OSBP2: variants seen among roughly 807,000 people sequenced by gnomAD.
OSBP2 encodes the protein oxysterol binding protein 2.
A neutral mutation model predicts 96.0 loss-of-function variants in OSBP2; 66 were observed. The ratio of observed to expected loss-of-function variants is 0.69; its 90% CI spans 0.56 to 0.84. OSBP2 has a LOEUF of 0.84. Among genes scored for constraint, OSBP2 ranks in the 40% least tolerant of loss-of-function variants. The pLI, the probability that OSBP2 is intolerant of heterozygous loss-of-function variation, is 0.00. For synonymous variants in OSBP2, 525 were observed against 520.9 expected (o/e 1.01, Z -0.11); for missense variants, 1,038 against 1,222.7 (o/e 0.85, Z 2.25).
At chr22:30,739,311 T>C (rs1018551478) in intron 1 of OSBP2, among the ~76,000 whole-genome samples, 17 of 152,230 alleles carry the variant, frequency 1.1e-4, no homozygotes, top group African/African-American at 3.1e-4. Context: ...GAATGGGACA[T>C]CCTTGCTCTG....
chr22:30,751,037 G>A (rs866153699), intron 2 of OSBP2, among the ~76,000 whole-genome samples: 11 of 151,662 alleles, frequency 7.3e-5, no homozygotes, highest in African/African-American at 2.7e-4. Context: ...CACTGCACCC[G>A]GCCTCTATTG....
rs1310720602 is a variant in OSBP2, at chr22:30,890,539, G to A, written c.1624-189G>A. Among the ~76,000 whole-genome samples, 2 of 152,222 alleles carry A rather than the reference G, an allele frequency of 1.3e-5. No homozygotes were observed. Among genetic ancestry groups the A allele is most frequent in the Non-Finnish European group, 2.9e-5 (2 of 68,034 alleles). ...AGACCAGAAAGTGGGAAGGGCTGTG[G>A]AGAAAACAGCCAGGAGGGGCCAGGG... On this transcript the variant is annotated intron_variant, in intron 7 of 13. Transcript: ENST00000332585. The surrounding 1 kb of genome is among the most constrained non-coding windows in gnomAD (Gnocchi z 4.4).
intron 1 of OSBP2, 54 bp from the exon 2 acceptor site, chr22:30,741,107 C>T: frequency 7.2e-7 from 1 of 1,388,620 alleles, no homozygotes; most frequent in Non-Finnish European, 1.0e-6. Flanking sequence ...TTTCTTTAGT[C>T]TGGAGCCATT....
chr22:30,825,166 G>A (rs1274843372), intron 2 of OSBP2, among the ~76,000 whole-genome samples: 4 of 152,130 alleles, frequency 2.6e-5, no homozygotes, highest in African/African-American at 4.8e-5. Context: ...TTGATCCTCA[G>A]TTTCCCCATC....
At chr22:30,825,473 C>T (rs1408190433) in intron 2 of OSBP2, among the ~76,000 whole-genome samples, 1 of 152,220 alleles carries the variant, frequency 6.6e-6, no homozygotes, top group Non-Finnish European at 1.5e-5. Flanking sequence ...ACCAGTCTGT[C>T]AATCACCTAT....
At chr22:30,838,935 A>G (rs2038689575) in intron 2 of OSBP2, among the ~76,000 whole-genome samples, 2 of 150,234 alleles carry the variant, frequency 1.3e-5, no homozygotes, top group Admixed American at 1.3e-4. Flanking sequence ...TGCTGCACCC[A>G]TTAACTCATC....
At chr22:30,815,196 C>T (rs974807298) in intron 2 of OSBP2, among the ~76,000 whole-genome samples, 2 of 152,218 alleles carry the variant, frequency 1.3e-5, no homozygotes, top group Non-Finnish European at 1.5e-5. Context: ...GGTGGGAGGA[C>T]GGCTTGAGCC....
intron 1 of OSBP2, among the ~76,000 whole-genome samples, chr22:30,713,769 T>G (rs1401820654): frequency 2.0e-5 from 3 of 152,184 alleles, no homozygotes; most frequent in Non-Finnish European, 4.4e-5. Context: ...AACCTAAAAT[T>G]GTTTTCATTG....
intron 2 of OSBP2, among the ~76,000 whole-genome samples, chr22:30,792,743 A>G (rs1337280951): frequency 6.6e-6 from 1 of 152,210 alleles, no homozygotes; most frequent in Non-Finnish European, 1.5e-5. Context: ...TTCGGGAGAA[A>G]GTGAACCCTA....
At chr22:30,832,326 C>T (rs1000006572) in intron 2 of OSBP2, among the ~76,000 whole-genome samples, 9 of 150,634 alleles carry the variant, frequency 6.0e-5, no homozygotes, top group African/African-American at 1.7e-4. Context: ...TACAAAGTCT[C>T]GTTTTGTTGC....
chr22:30,752,147 G>A lies in OSBP2; in HGVS notation c.853+10778G>A, dbSNP rs139351749. Among the ~76,000 whole-genome samples, 215 of 152,284 alleles carry A rather than the reference G, an allele frequency of 1.4e-3. 1 individual carries two copies. Among genetic ancestry groups the A allele is most frequent in the African/African-American group, 4.8e-3 (200 of 41,552 alleles). On this transcript the variant is annotated intron_variant, in intron 2 of 13. Coordinates refer to ENST00000332585, the MANE Select transcript of OSBP2 (RefSeq NM_030758.4). Reference sequence around the variant, plus strand: ...CCAGCCACCTCTGCTCACTGCAGTAGTGATTCTCTGCCTGTGCATCTAAAA... The same window carrying A: ...CCAGCCACCTCTGCTCACTGCAGTAATGATTCTCTGCCTGTGCATCTAAAA...
rs753319614 is a variant in OSBP2, at chr22:30,889,684, T to C, written c.1623+48T>C. Reference sequence around the variant, plus strand: ...CCCCGACAGGTCCTCTGGGGCTGCTTTCCTGTGCGTGGATGAGCAGTAATG... The same window carrying C: ...CCCCGACAGGTCCTCTGGGGCTGCTCTCCTGTGCGTGGATGAGCAGTAATG... On this transcript the variant is annotated intron_variant, in intron 7 of 13. Transcript: ENST00000332585. 39 of 1,588,582 alleles carry C rather than the reference T, an allele frequency of 2.5e-5. No homozygotes were observed. The East Asian group carries it at 7.8e-4, about 32-fold the overall frequency.
chr22:30,877,258 C>G (rs2039603243), intron 3 of OSBP2, among the ~76,000 whole-genome samples: 1 of 152,046 alleles, frequency 6.6e-6, no homozygotes, highest in African/African-American at 2.4e-5. Context: ...TTTTTTGACT[C>G]TGATAAAAGC....
Position 30,893,141 on chromosome 22 carries a change from C to T in OSBP2, c.1889C>T (p.Ser630Leu), listed in dbSNP as rs765672869. ...LCEQVSHHPP[S>L]AAHYVFSKHG... ...TCTCAGGTGAGCCACCACCCCCCCT[C>T]AGCTGCGCACTACGTGTTCTCCAAG... Residue 630 changes from serine (S) to leucine (L), a missense_variant, in exon 9 of 14, where the codon TCA (serine) becomes TTA (leucine). Around this residue, in one of 3 missense-constraint regions of OSBP2, gnomAD observed 737 missense variants for 913.3 expected, o/e 0.81. Transcript: ENST00000332585. 1.2e-5 allele frequency: 20 copies of T among 1,613,984 alleles called. No homozygotes were observed. The highest frequency in any genetic ancestry group is 1.6e-5 in the Non-Finnish European group (19 of 1,179,990).
Position 30,870,820 on chromosome 22 carries a change from C to G in OSBP2, c.1107+138C>G. 1.2e-6 allele frequency: 1 copy of G among 868,278 alleles called. No homozygotes were observed. The highest frequency in any genetic ancestry group is 2.6e-5 in the East Asian group (1 of 38,188). 53.8% of individuals were successfully genotyped at this position (868,278 alleles called of 1,614,324 possible). A position where few individuals can be genotyped will look rare whatever the true frequency, so the allele number is the denominator to read the frequency against. Reference sequence around the variant, plus strand: ...CCACGGTGTTTCCCAAAGCCAGCGCCCCCCAGCTAGCTTCCGAGTTCTTAA... The same window carrying G: ...CCACGGTGTTTCCCAAAGCCAGCGCGCCCCAGCTAGCTTCCGAGTTCTTAA... On this transcript the variant is annotated intron_variant, in intron 3 of 13. Coordinates refer to ENST00000332585, the MANE Select transcript of OSBP2 (RefSeq NM_030758.4). This position sits in a 1 kb window ranked among gnomAD's most constrained non-coding sequence, Gnocchi z 4.1.
intron 2 of OSBP2, among the ~76,000 whole-genome samples, chr22:30,777,634 G>C (rs1243105079): frequency 1.3e-5 from 2 of 152,222 alleles, no homozygotes; most frequent in African/African-American, 4.8e-5. Context: ...GGGTCTCCCA[G>C]ATGCAGTAGC....
intron 2 of OSBP2, among the ~76,000 whole-genome samples, chr22:30,839,145 A>C (rs1407155005): frequency 7.0e-6 from 1 of 143,074 alleles, no homozygotes; most frequent in Non-Finnish European, 1.5e-5. Context: ...GATGATTTCC[A>C]ATTTCATCCA....
At position 30,893,013 on chromosome 22, in the gene OSBP2, C is replaced by A; in HGVS notation, c.1870-109C>A. ...GAACAGCCAGGACTGCTCCTATGGCCACAGAGCTGTGCCTGCTGAGGCAGG... is the reference window on the plus strand; with the variant it reads ...GAACAGCCAGGACTGCTCCTATGGCAACAGAGCTGTGCCTGCTGAGGCAGG... On this transcript the variant is annotated intron_variant, in intron 8 of 13. Coordinates refer to ENST00000332585, the MANE Select transcript of OSBP2 (RefSeq NM_030758.4). 4.2e-6 allele frequency: 6 copies of A among 1,428,878 alleles called. No individual in the cohort carries two copies. In the East Asian group the frequency reaches 1.4e-4, roughly 33 times the overall value. The allele number at this position is 1,428,878 out of a possible 1,614,324, so 88.5% of individuals were successfully genotyped here.
chr22:30,872,802 C>T (rs1185847797), intron 3 of OSBP2, among the ~76,000 whole-genome samples: 5 of 152,218 alleles, frequency 3.3e-5, no homozygotes, highest in African/African-American at 4.8e-5. Context: ...GACAGCCACT[C>T]CTCGCCTGGC....
Sources: allele counts gnomAD v4.1 joint callset (sites outside exome capture counted in the v4.1 genomes callset), GRCh38; gene constraint gnomAD v4.1.1; regional missense constraint gnomAD v4.1.1; non-coding constraint Gnocchi (gnomAD v3.1); transcripts MANE v1.5; gene names NCBI Gene and HGNC (gene_info 2026-07-23, HGNC 2026-07-21).